Variants in ZNF737 observed in about 807,000 individuals in gnomAD.
The protein encoded by ZNF737 is zinc finger protein 102 (Y3).
Under a neutral mutation model 11.7 loss-of-function variants are expected in ZNF737, and 13 were observed. That is an observed-to-expected ratio of 1.11 (90% CI 0.73 to 1.77). The LOEUF is 1.77. ZNF737 is among the 40% of genes most tolerant of loss of function. The pLI is 0.00. For missense variants in ZNF737, 636 were observed against 638.0 expected (o/e 1.00, Z 0.03); for synonymous variants, 217 against 216.2 (o/e 1.00, Z -0.03).
chr19:20,564,694 C>A (rs1316650934), intron 1 of ZNF737, among the ~76,000 whole-genome samples: 27 of 151,582 alleles, frequency 1.8e-4, no homozygotes, highest in African/African-American at 6.3e-4. Flanking sequence ...ACATGGGGTA[C>A]ACTTGAGGCC....
the ZNF737 span, among the ~76,000 whole-genome samples, chr19:20,530,674 G>T: frequency 1.3e-5 from 2 of 148,772 alleles, no homozygotes; most frequent in South Asian, 2.2e-4. Context: ...ACGATGGGCA[G>T]CCGGGCAGAG....
intron 3 of ZNF737, 24 bp from the exon 4 acceptor site, chr19:20,546,000 T>A: frequency 1.3e-6 from 2 of 1,527,916 alleles, no homozygotes; most frequent in Non-Finnish European, 1.7e-6. Flanking sequence ...TAAAAGCACA[T>A]TACTTCAATT....
intron 3 of ZNF737, among the ~76,000 whole-genome samples, chr19:20,548,410 G>T (rs1255179853): frequency 1.3e-5 from 2 of 152,060 alleles, no homozygotes; most frequent in African/African-American, 4.8e-5. Context: ...CAAAATTTTG[G>T]ATACTGTATG....
rs782207891 is a variant in ZNF737, at chr19:20,544,797, G to A, written c.1406C>T (p.Thr469Ile). The A allele has an allele frequency of 2.9e-5, 47 of 1,609,876 alleles. No homozygotes were observed. In the African/African-American group the frequency reaches 6.0e-4, roughly 21 times the overall value. Residue 469 changes from threonine (T) to isoleucine (I), a missense_variant, in exon 4 of 4, where the codon ACT becomes ATT. Thr to Ile is a moderately conservative substitution (Grantham distance 89, BLOSUM62 -1). Coordinates refer to ENST00000427401, the MANE Select transcript of ZNF737 (RefSeq NM_001159293.2). The part of the protein sequence containing the change: ...GKAFNSSSHL[T>I]AHKRIHTGEK... ...TCCAGTATGAATTCTCTTATGTGCAGTAAGGTGTGAGGACGAGTTGAAGGC... is the reference window on the plus strand; with the variant it reads ...TCCAGTATGAATTCTCTTATGTGCAATAAGGTGTGAGGACGAGTTGAAGGC...
At chr19:20,550,596 AC>A (rs1276021841) in intron 3 of ZNF737, among the ~76,000 whole-genome samples, 1 of 152,150 alleles carries the variant, frequency 6.6e-6, no homozygotes, top group Admixed American at 6.5e-5. Context: ...TGACAAAAAT[AC>A]CTTTATGAGA....
chr19:20,547,698 A>G (rs1346357823), intron 3 of ZNF737, among the ~76,000 whole-genome samples: 1 of 114,036 alleles, frequency 8.8e-6, no homozygotes, highest in Non-Finnish European at 1.8e-5. Flanking sequence ...AAAATCATTA[A>G]TTTATACAGA....
At position 20,539,236 on chromosome 19, in the gene ZNF737, G is replaced by A; in HGVS notation, c.*5356C>T. 1 of 868,740 alleles carries A rather than the reference G, an allele frequency of 1.2e-6. No individual in the cohort carries two copies. Among genetic ancestry groups the A allele is most frequent in the Middle Eastern group, 6.0e-4 (1 of 1,676 alleles). 53.8% of individuals were successfully genotyped at this position (868,740 alleles called of 1,614,324 possible). A position where few individuals can be genotyped will look rare whatever the true frequency, so the allele number is the denominator to read the frequency against. On this transcript the variant is annotated 3_prime_UTR_variant, in exon 4 of 4. Coordinates refer to ENST00000427401, the MANE Select transcript of ZNF737 (RefSeq NM_001159293.2). ...ACCAGGGAGGTGGAGGTTGCAGTGA[G>A]CTGAGCACGTACCATTGCAGTGCAG... is the stretch of plus-strand genomic sequence containing the variant.
At chr19:20,532,699 G>A (rs1555753119), downstream of ZNF737, among the ~76,000 whole-genome samples, 2 of 149,862 alleles carry the variant, frequency 1.3e-5, no homozygotes, top group Non-Finnish European at 3.0e-5. Flanking sequence ...ATGAGGTTCT[G>A]TTCGTCTATC....
In ZNF737 at chr19:20,541,193, C is replaced by G. The variant is rs895731922; in HGVS notation, c.*3399G>C. ...AAAAGTGTTTAGTTTTGTTAATCAC[C>G]TAAATAACATAATTTGTTTTGTTGC... On this transcript the variant is annotated 3_prime_UTR_variant, in exon 4 of 4. Transcript: ENST00000427401. 1.0e-5 allele frequency: 10 copies of G among 982,678 alleles called. No homozygotes were observed. In the African/African-American group the frequency reaches 1.7e-4, roughly 17 times the overall value. The allele number at this position is 982,678 out of a possible 1,614,324, so 60.9% of individuals were successfully genotyped here.
downstream of ZNF737, among the ~76,000 whole-genome samples, chr19:20,537,537 A>G (rs1334672926): frequency 5.6e-4 from 13 of 23,368 alleles, no homozygotes; most frequent in Admixed American, 6.1e-3. Context: ...TTTTTTTTTG[A>G]GACAGAGTCT....
In ZNF737 at chr19:20,542,904, A is replaced by G; in HGVS notation, c.*1688T>C. ...TTACATCATTATTCAGCTTTCAAAA[A>G]ATTTTATTCAAGGAAACAAGTATAC... On this transcript the variant is annotated 3_prime_UTR_variant, in exon 4 of 4. Transcript: ENST00000427401. The G allele has an allele frequency of 1.0e-6, 1 of 985,258 alleles. No individual in the cohort carries two copies. Among genetic ancestry groups the G allele is most frequent in the Middle Eastern group, 5.2e-4 (1 of 1,914 alleles). The allele number at this position is 985,258 out of a possible 1,614,324, so 61.0% of individuals were successfully genotyped here.
At chr19:20,554,915 T>C (rs1314157791) in intron 1 of ZNF737, among the ~76,000 whole-genome samples, 1 of 146,010 alleles carries the variant, frequency 6.8e-6, no homozygotes, top group Non-Finnish European at 1.5e-5. Flanking sequence ...CAGGCTGGAG[T>C]GCAATGGCAT....
chr19:20,561,562 C>T lies in ZNF737; in HGVS notation c.3+4076G>A, dbSNP rs1267240227. 3.3e-5 allele frequency among the ~76,000 whole-genome samples: 5 copies of T among 151,576 alleles called. No individual in the cohort carries two copies. The East Asian group carries it at 9.7e-4, about 29-fold the overall frequency. On this transcript the variant is annotated intron_variant, in intron 1 of 3. Coordinates refer to ENST00000427401, the MANE Select transcript of ZNF737 (RefSeq NM_001159293.2). The stretch of plus-strand genomic sequence containing the variant: ...GACAGCCTGTGACCAGACAGCAGAG[C>T]TCCCATTCCCAAACACCTAGAGTTT...
At position 20,565,780 on chromosome 19, in the gene ZNF737, A is replaced by T; in HGVS notation, c.-140T>A. On this transcript the variant is annotated 5_prime_UTR_variant, in exon 1 of 4. Transcript: ENST00000427401. ...AAGACCTGGAGCTCCGGCTGCAGAGACAAAGGCCCCGCAAAACCCGGAAGC... is the reference window on the plus strand; with the variant it reads ...AAGACCTGGAGCTCCGGCTGCAGAGTCAAAGGCCCCGCAAAACCCGGAAGC... The T allele has an allele frequency of 1.4e-6, 2 of 1,429,476 alleles. No individual in the cohort carries two copies. Among genetic ancestry groups the T allele is most frequent in the Non-Finnish European group, 9.9e-7 (1 of 1,014,000 alleles). The allele number at this position is 1,429,476 out of a possible 1,614,324, so 88.5% of individuals were successfully genotyped here. A position where few individuals can be genotyped will look rare whatever the true frequency, so the allele number is the denominator to read the frequency against.
intron 1 of ZNF737, among the ~76,000 whole-genome samples, chr19:20,563,727 C>A (rs1399207398): frequency 6.6e-6 from 1 of 152,080 alleles, no homozygotes; most frequent in Non-Finnish European, 1.5e-5. Flanking sequence ...CTCAAGTGAT[C>A]CACTCACCTC....
rs1968791253 is a variant in ZNF737, at chr19:20,553,941, A to G, written c.4-106T>C. On this transcript the variant is annotated intron_variant, in intron 1 of 3. Transcript: ENST00000427401. ...GTAAAGACAAATGGTTCTGACTTAT[A>G]GGACTGACTAAAATTATCCAATAAA... The G allele has an allele frequency of 1.3e-5, 17 of 1,317,958 alleles. No homozygotes were observed. In the East Asian group the frequency reaches 3.8e-4, roughly 30 times the overall value. The allele number at this position is 1,317,958 out of a possible 1,614,324, so 81.6% of individuals were successfully genotyped here.
chr19:20,531,272 G>GGGGAA (rs782371760), downstream of ZNF737, among the ~76,000 whole-genome samples: 7,879 of 139,322 alleles, frequency 0.057, 552 homozygotes, highest in African/African-American at 0.092. Flanking sequence ...GGGGAGGGGA[G>GGGGAA]AGGGGAGGGG....
At position 20,545,708 on chromosome 19, in the gene ZNF737, T is replaced by A. The variant is rs1255626295; in HGVS notation, c.495A>T (p.Ile165=). ...HKFSNSNRHK[I]RHTGKKPFKC... is the part of the protein sequence containing the mutation. ...TGAAAGGTTTTTTTCCAGTATGTCT[T>A]ATCTTATGTCTGTTTGAATTTGAAA... The change falls in exon 4 of 4, where the codon ATA becomes ATT. Residue 165 remains isoleucine, a synonymous_variant. Transcript: ENST00000427401. 1.2e-6 allele frequency: 2 copies of A among 1,612,460 alleles called. No homozygotes were observed. Among genetic ancestry groups the A allele is most frequent in the African/African-American group, 1.3e-5 (1 of 74,882 alleles).
chr19:20,535,523 T>A (rs1396620697), downstream of ZNF737, among the ~76,000 whole-genome samples: 3 of 122,062 alleles, frequency 2.5e-5, no homozygotes, highest in South Asian at 5.8e-4. Context: ...AAAAACAAAA[T>A]CCTCGTTTTT....
Sources: allele counts gnomAD v4.1 joint callset (sites outside exome capture counted in the v4.1 genomes callset), GRCh38; gene constraint gnomAD v4.1.1; transcripts MANE v1.5; gene names NCBI Gene and HGNC (gene_info 2026-07-23, HGNC 2026-07-21).